ZNF217: variants seen among roughly 807,000 people sequenced by gnomAD.
The protein encoded by ZNF217 is zinc finger protein 217.
In ZNF217, 12 loss-of-function variants were observed where a neutral mutation model predicts 73.3. That is an observed-to-expected ratio of 0.16 (90% CI 0.10 to 0.27). ZNF217 has a LOEUF of 0.27. Among genes scored for constraint, ZNF217 ranks in the 10% least tolerant of loss-of-function variants. The probability of loss-of-function intolerance (pLI) is 1.00; values close to 1 mark genes in which losing one functional copy is unlikely to be tolerated. For synonymous variants in ZNF217, 588 were observed against 516.4 expected, an observed-to-expected ratio of 1.14 and a Z score of -1.88; for missense variants, 1,195 against 1,327.8, an observed-to-expected ratio of 0.90 and a Z score of 1.55.
chr20:53,569,158 A>G lies in ZNF217; in HGVS notation c.*130T>C, dbSNP rs1304795674. 2 of 1,345,402 alleles carry G rather than the reference A, an allele frequency of 1.5e-6. No individual in the cohort carries two copies. The highest frequency in any genetic ancestry group is 2.0e-5 in the Admixed American group (1 of 48,832). The allele number at this position is 1,345,402 out of a possible 1,614,324, so 83.3% of individuals were successfully genotyped here. ...TCCTTGCAGATTCCTCATATGTTTTATGTACAGTACAATCACAGCTTATTT... is the reference window on the plus strand; with the variant it reads ...TCCTTGCAGATTCCTCATATGTTTTGTGTACAGTACAATCACAGCTTATTT... On this transcript the variant is annotated 3_prime_UTR_variant, in exon 6 of 6. Transcript: ENST00000371471.
chr20:53,595,689 A>G (rs1413931002), upstream of ZNF217, among the ~76,000 whole-genome samples: 1 of 152,246 alleles, frequency 6.6e-6, no homozygotes, highest in East Asian at 1.9e-4. Flanking sequence ...ACTCAAGTCC[A>G]CTGATATTGA....
At position 53,582,080 on chromosome 20, in the gene ZNF217, C is replaced by A. The variant is rs78786003; in HGVS notation, c.747G>T (p.Ala249=). 3,538 of 1,614,172 alleles carry A rather than the reference C, an allele frequency of 2.2e-3. 79 individuals carry two copies. The African/African-American group carries it at 0.042, about 19-fold the overall frequency. Residue 249 remains alanine, a synonymous_variant, in exon 2 of 6, where the codon GCG becomes GCT. Transcript: ENST00000371471. This position sits in a 1 kb window ranked among gnomAD's most constrained non-coding sequence, Gnocchi z 4.8. Reference sequence around the variant, plus strand: ...TTCCTCCTTGTGGAGAGTCTGTCTGCGCGCTGCTGGTACCGAAAGCAGTTT... The same window carrying A: ...TTCCTCCTTGTGGAGAGTCTGTCTGAGCGCTGCTGGTACCGAAAGCAGTTT... The part of the protein sequence containing the change: ...TKKTAFGTSS[A]QTDSPQGGMP...
chr20:53,593,211 C>T (rs1988944466), intron 1 of ZNF217, among the ~76,000 whole-genome samples: 1 of 152,002 alleles, frequency 6.6e-6, no homozygotes, highest in Non-Finnish European at 1.5e-5. Context: ...CTTAGAGGCG[C>T]CCTCCGCCCG....
rs186028043 is a variant in ZNF217 at position 53,578,208 on chromosome 20, A to G, written c.1483+126T>C. ...AGAATAAAAATAACCACTGCAATCAACATGCTACATATTTATCCTTAAGCT... is the reference window on the plus strand; with the variant it reads ...AGAATAAAAATAACCACTGCAATCAGCATGCTACATATTTATCCTTAAGCT... On this transcript the variant is annotated intron_variant, in intron 3 of 5. Coordinates refer to ENST00000371471, the MANE Select transcript of ZNF217 (RefSeq NM_006526.3). 6.9e-4 allele frequency: 418 copies of G among 604,312 alleles called. 6 individuals are homozygous for G. In the Admixed American group the frequency reaches 0.011, roughly 16 times the overall value. The allele number at this position is 604,312 out of a possible 1,614,324, so 37.4% of individuals were successfully genotyped here. A position where few individuals can be genotyped will look rare whatever the true frequency, so the allele number is the denominator to read the frequency against.
intron 4 of ZNF217, chr20:53,572,645 C>G (rs1988064230): frequency 6.6e-6 from 1 of 152,126 alleles, no homozygotes; most frequent in South Asian, 2.1e-4. Context: ...CTGAACCAAT[C>G]AGCATCAAGC....
chr20:53,594,003 C>T (rs935596115), upstream of ZNF217, among the ~76,000 whole-genome samples: 1 of 151,494 alleles, frequency 6.6e-6, no homozygotes, highest in African/African-American at 2.4e-5. Flanking sequence ...TGCAGCCATC[C>T]GCCGAGGAGC....
rs376508387 is a variant in ZNF217, at chr20:53,575,913, T to A, written c.2851A>T (p.Ile951Phe). Residue 951 changes from isoleucine to phenylalanine, a missense_variant, in exon 4 of 6, where the codon ATC becomes TTC. Coordinates refer to ENST00000371471, the MANE Select transcript of ZNF217 (RefSeq NM_006526.3). ...DLPKYHMVRG[I>F]TSLLPQDCVY... ...CAGTCCTGCGGTAACAGTGATGTGA[T>A]GCCTCTGACCATATGGTACTTGGGA... 1 of 1,614,094 alleles carries A rather than the reference T, an allele frequency of 6.2e-7. No homozygotes were observed. The highest frequency in any genetic ancestry group is 2.2e-5 in the East Asian group (1 of 44,898).
intron 5 of ZNF217, among the ~76,000 whole-genome samples, chr20:53,570,028 C>T (rs1987924269): frequency 6.6e-6 from 1 of 152,028 alleles, no homozygotes; most frequent in Non-Finnish European, 1.5e-5. Flanking sequence ...GGATGTTCTC[C>T]AGATGAAGGA....
In ZNF217 at chr20:53,567,808, G is replaced by A. The variant is rs573046843; in HGVS notation, c.*1480C>T. ...CACAGGAGCTAAGACTTCTATCAAGGAGGACATCTTACGTTGCATAATTTA... is the reference window on the plus strand; with the variant it reads ...CACAGGAGCTAAGACTTCTATCAAGAAGGACATCTTACGTTGCATAATTTA... On this transcript the variant is annotated 3_prime_UTR_variant, in exon 6 of 6. Transcript: ENST00000371471. 2.2e-4 allele frequency: 34 copies of A among 152,398 alleles called. No homozygotes were observed. The highest frequency in any genetic ancestry group is 3.7e-4 in the Non-Finnish European group (25 of 68,024). 9.4% of individuals were successfully genotyped at this position (152,398 alleles called of 1,614,324 possible).
chr20:53,590,977 C>A lies in ZNF217; in HGVS notation c.-343+2779G>T, dbSNP rs547169876. Among the ~76,000 whole-genome samples, 11 of 152,302 alleles carry A rather than the reference C, an allele frequency of 7.2e-5. No homozygotes were observed. In the South Asian group the frequency reaches 1.9e-3, roughly 26 times the overall value. On this transcript the variant is annotated intron_variant, in intron 1 of 5. Transcript: ENST00000371471. ...AAATGGAGGCTCACAAAGAAAAATG[C>A]AAATCTACCCCCACCTTAAAAAAGT...
In ZNF217 at chr20:53,567,150, A is replaced by C. The variant is rs1056949; in HGVS notation, c.*2138T>G. ...GCTGAAATATATCATAAATAAAACA[A>C]GTAATGTCTACTGTTCGACAACTTA... On this transcript the variant is annotated 3_prime_UTR_variant, in exon 6 of 6. Transcript: ENST00000371471. The C allele has an allele frequency of 0.086, 13,150 of 152,666 alleles. 740 individuals are homozygous for C. Among genetic ancestry groups the C allele is most frequent in the Non-Finnish European group, 0.13 (8,715 of 68,004 alleles). The allele number at this position is 152,666 out of a possible 1,614,324, so 9.5% of individuals were successfully genotyped here.
Position 53,575,996 on chromosome 20 carries a change from C to CTGG in ZNF217, c.2765_2767dup (p.Ser922_Ser923insThr), listed in dbSNP as rs1215762602. The CTGG allele has an allele frequency of 4.3e-6, 7 of 1,614,202 alleles. No individual in the cohort carries two copies. Among genetic ancestry groups the CTGG allele is most frequent in the Non-Finnish European group, 5.1e-6 (6 of 1,180,038 alleles). On this transcript the variant is annotated inframe_insertion, in exon 4 of 6. Transcript: ENST00000371471. ...CTGGTCAACGTCAAGGGCAACCACGCTGGACTTCAGTCTTTTTGGAAGGGG... is the reference window on the plus strand; with the variant it reads ...CTGGTCAACGTCAAGGGCAACCACGCTGGTGGACTTCAGTCTTTTTGGAAGGGG...
chr20:53,577,969 G>A (rs916433946), intron 3 of ZNF217, among the ~76,000 whole-genome samples: 7 of 152,080 alleles, frequency 4.6e-5, no homozygotes, highest in Non-Finnish European at 7.4e-5. Flanking sequence ...GAAATTAGCC[G>A]GGTGTGGTGG....
intron 1 of ZNF217, among the ~76,000 whole-genome samples, chr20:53,587,210 T>C (rs1387033823): frequency 1.3e-5 from 2 of 152,186 alleles, no homozygotes; most frequent in Admixed American, 6.5e-5. Context: ...AGGAACCATA[T>C]TGCTAGAAAA....
rs1351766114 is a variant in ZNF217 at position 53,581,858 on chromosome 20, G to C, written c.969C>G (p.Asp323Glu). 1 of 1,614,234 alleles carries C rather than the reference G, an allele frequency of 6.2e-7. No homozygotes were observed. The highest frequency in any genetic ancestry group is 1.1e-5 in the South Asian group (1 of 91,078). ...CCTTCTCGGAACTCGAATCGTCGTTGTCGGTGCTCCCTTCTTGCCCCGATT... is the reference window on the plus strand; with the variant it reads ...CCTTCTCGGAACTCGAATCGTCGTTCTCGGTGCTCCCTTCTTGCCCCGATT... ...VKESGQEGST[D>E]NDDSSSEKEL... is the part of the protein sequence containing the mutation. The change falls in exon 2 of 6, where the codon GAC becomes GAG. Residue 323 changes from aspartate to glutamate, a missense_variant. Transcript: ENST00000371471. The surrounding 1 kb of genome is among the most constrained non-coding windows in gnomAD (Gnocchi z 4.9).
chr20:53,586,316 A>G (rs551999469), intron 1 of ZNF217, among the ~76,000 whole-genome samples: 2 of 152,350 alleles, frequency 1.3e-5, no homozygotes, highest in African/African-American at 2.4e-5. Flanking sequence ...AGAAATTAAA[A>G]TTAACTTGCA....
chr20:53,570,560 T>C (rs1283055496), intron 5 of ZNF217: 2 of 152,630 alleles, frequency 1.3e-5, no homozygotes, highest in Non-Finnish European at 2.9e-5. Context: ...GTATAACCTG[T>C]ACACAGACAT....
intron 3 of ZNF217, among the ~76,000 whole-genome samples, chr20:53,578,060 C>G (rs1374018546): frequency 6.6e-6 from 1 of 151,904 alleles, no homozygotes; most frequent in East Asian, 1.9e-4. Flanking sequence ...TGCAGTGAGC[C>G]GAAATTGCAC....
At chr20:53,574,069 CAAA>C (rs527884370) in intron 4 of ZNF217, among the ~76,000 whole-genome samples, 1 of 121,178 alleles carries the variant, frequency 8.3e-6, no homozygotes, top group African/African-American at 3.1e-5. Flanking sequence ...GACTCCATCT[CAAA>C]AAAAAAAAAA....
Sources: gnomAD v4.1 joint callset for allele counts (sites outside exome capture counted in the v4.1 genomes callset) on GRCh38, gnomAD v4.1.1 for gene constraint, Gnocchi (gnomAD v3.1) non-coding constraint, MANE v1.5 for transcripts, NCBI Gene and HGNC (gene_info 2026-07-23, HGNC 2026-07-21) for gene names.